Variants in CTNNA3 observed in about 807,000 individuals in gnomAD.
The protein encoded by CTNNA3 is catenin alpha-3.
CTNNA3 carries 76 observed loss-of-function variants against 95.7 expected under a neutral mutation model. The ratio of observed to expected loss-of-function variants is 0.79; its 90% confidence interval spans 0.66 to 0.96. The LOEUF (loss-of-function observed/expected upper bound fraction) is 0.96. CTNNA3 is among the 40% of genes least tolerant of loss of function. CTNNA3 has a pLI of 0.00. For missense variants in CTNNA3, 1,191 were observed against 1,089.8 expected, an observed-to-expected ratio of 1.09 and a Z score of -1.31; for synonymous variants, 431 against 374.4, an observed-to-expected ratio of 1.15 and a Z score of -1.74.
chr10:66,364,275 A>C (rs118104445), intron 12 of CTNNA3, among the ~76,000 whole-genome samples: 5,441 of 150,234 alleles, frequency 0.036, 130 homozygotes, highest in Non-Finnish European at 0.05. Flanking sequence ...AGGTGCACTG[A>C]CTCATGACTG....
chr10:66,525,962 G>T (rs999098686), intron 10 of CTNNA3, among the ~76,000 whole-genome samples: 5 of 152,060 alleles, frequency 3.3e-5, no homozygotes, highest in African/African-American at 1.2e-4. Context: ...GTTTATTCAA[G>T]TTGTAGTATG....
At chr10:66,266,188 C>T (rs1035483297) in intron 13 of CTNNA3, among the ~76,000 whole-genome samples, 17 of 151,226 alleles carry the variant, frequency 1.1e-4, no homozygotes, top group African/African-American at 3.9e-4. Flanking sequence ...GCTCTGAAAA[C>T]GTGCCATAAG....
intron 13 of CTNNA3, among the ~76,000 whole-genome samples, chr10:66,152,725 A>G (rs1489400695): frequency 6.6e-6 from 1 of 151,828 alleles, no homozygotes; most frequent in African/African-American, 2.4e-5. Flanking sequence ...TCCTATTATC[A>G]CCTCTTCTGG....
rs113572134 is a variant in CTNNA3, at chr10:66,385,662, C to T, written c.1532-6310G>A. On this transcript the variant is annotated intron_variant, in intron 11 of 17. Transcript: ENST00000433211. ...AAAAAAGAGAATTTTAGATCAATATCCCTGATGAAGATTGATGTGAAAATC... is the reference window on the plus strand; with the variant it reads ...AAAAAAGAGAATTTTAGATCAATATTCCTGATGAAGATTGATGTGAAAATC... 3.6e-4 allele frequency among the ~76,000 whole-genome samples: 55 copies of T among 152,260 alleles called. No individual in the cohort carries two copies. The East Asian group carries it at 0.01, about 29-fold the overall frequency.
intron 7 of CTNNA3, among the ~76,000 whole-genome samples, chr10:66,778,469 C>T (rs1840401635): frequency 6.6e-6 from 1 of 152,044 alleles, no homozygotes; most frequent in South Asian, 2.1e-4. Flanking sequence ...CAGAACCTGC[C>T]TATATCCCGA....
intron 7 of CTNNA3, among the ~76,000 whole-genome samples, chr10:66,860,544 A>G (rs1322529789): frequency 6.6e-6 from 1 of 152,126 alleles, no homozygotes; most frequent in Non-Finnish European, 1.5e-5. Flanking sequence ...AGTCTCCCTC[A>G]TGGCTCTTGT....
chr10:66,247,779 C>A (rs935336956), intron 13 of CTNNA3, among the ~76,000 whole-genome samples: 1 of 152,136 alleles, frequency 6.6e-6, no homozygotes, highest in Non-Finnish European at 1.5e-5. Context: ...GAAATAAATA[C>A]TTTCACAGAC....
intron 7 of CTNNA3, among the ~76,000 whole-genome samples, chr10:67,151,151 T>C (rs1034610570): frequency 2.6e-5 from 4 of 152,214 alleles, no homozygotes; most frequent in Admixed American, 2.0e-4. Context: ...GTGCTTGTTT[T>C]TCTTATAAGG....
chr10:66,742,024 A>G (rs1849342810), intron 9 of CTNNA3, among the ~76,000 whole-genome samples: 1 of 152,194 alleles, frequency 6.6e-6, no homozygotes, highest in Non-Finnish European at 1.5e-5. Flanking sequence ...ACAGGATAAC[A>G]GCAATGTTCA....
intron 4 of CTNNA3, among the ~76,000 whole-genome samples, chr10:67,522,352 T>C (rs1175824731): frequency 2.0e-5 from 3 of 152,176 alleles, no homozygotes; most frequent in Non-Finnish European, 4.4e-5. Flanking sequence ...ATTTCAATCA[T>C]GGAAACAAAC....
intron 15 of CTNNA3, among the ~76,000 whole-genome samples, chr10:66,024,362 T>C (rs988163917): frequency 3.3e-5 from 5 of 152,162 alleles, no homozygotes; most frequent in Non-Finnish European, 7.4e-5. Context: ...GTGCTGGGAT[T>C]ACAGGCGTGA....
intron 7 of CTNNA3, among the ~76,000 whole-genome samples, chr10:66,791,988 A>G (rs1028247245): frequency 2.0e-5 from 3 of 152,236 alleles, no homozygotes; most frequent in African/African-American, 7.2e-5. Flanking sequence ...CACCACTTCT[A>G]TAGAACTATT....
chr10:66,461,157 G>C (rs1455714693), intron 11 of CTNNA3, among the ~76,000 whole-genome samples: 1 of 152,062 alleles, frequency 6.6e-6, no homozygotes, highest in Admixed American at 6.6e-5. Context: ...GTACAAAGTA[G>C]ACATGCTTGC....
intron 10 of CTNNA3, among the ~76,000 whole-genome samples, chr10:66,526,420 C>T (rs547683242): frequency 6.6e-6 from 1 of 152,252 alleles, no homozygotes; most frequent in Non-Finnish European, 1.5e-5. Flanking sequence ...CTCCTGAGCT[C>T]AGGTGATCTA....
At chr10:66,644,008 A>C (rs1845606298) in intron 9 of CTNNA3, among the ~76,000 whole-genome samples, 1 of 152,148 alleles carries the variant, frequency 6.6e-6, no homozygotes, top group Non-Finnish European at 1.5e-5. Flanking sequence ...CTATAATCCC[A>C]GCACTTTCAG....
intron 2 of CTNNA3, among the ~76,000 whole-genome samples, chr10:67,614,547 A>G (rs935039291): frequency 1.3e-5 from 2 of 152,144 alleles, no homozygotes; most frequent in Non-Finnish European, 2.9e-5. Context: ...TCACTTTCCC[A>G]TGAGAATCTA....
At chr10:67,699,075 T>C (rs376591361), upstream of CTNNA3, among the ~76,000 whole-genome samples, 1 of 152,186 alleles carries the variant, frequency 6.6e-6, no homozygotes, top group East Asian at 1.9e-4. Flanking sequence ...ATCTCTCTTG[T>C]GTGCTGGATC....
At chr10:66,182,290 C>G (rs1264040193) in intron 13 of CTNNA3, among the ~76,000 whole-genome samples, 2 of 146,660 alleles carry the variant, frequency 1.4e-5, no homozygotes, top group South Asian at 2.1e-4. Flanking sequence ...GAGTCTCGCT[C>G]TATCGCCCAG....
intron 1 of CTNNA3, among the ~76,000 whole-genome samples, chr10:67,702,303 C>T (rs1177030554): frequency 2.0e-5 from 3 of 152,062 alleles, no homozygotes; most frequent in Non-Finnish European, 2.9e-5. Flanking sequence ...AACTCTCCAC[C>T]CCAAATCAAC....
Sources: allele counts gnomAD v4.1 joint callset (sites outside exome capture counted in the v4.1 genomes callset), GRCh38; gene constraint gnomAD v4.1.1; transcripts MANE v1.5; gene names NCBI Gene and HGNC (gene_info 2026-07-23, HGNC 2026-07-21).